Variants in TM9SF4 observed in about 807,000 individuals in gnomAD.
TM9SF4 encodes the protein dinucleotide oxidase disulfide thiol exchanger 3 superfamily member 4.
Under a neutral mutation model 90.4 loss-of-function variants are expected in TM9SF4, and 26 were observed. The observed-to-expected ratio is 0.29, with a 90% CI of 0.21 to 0.40. The LOEUF is 0.40. TM9SF4 is among the 10% of genes least tolerant of loss of function. The pLI, the probability that TM9SF4 is intolerant of heterozygous loss-of-function variation, is 1.00. For synonymous variants in TM9SF4, 293 were observed against 315.4 expected (o/e 0.93, Z 0.75); for missense variants, 549 against 834.8 (o/e 0.66, Z 4.22).
chr20:32,154,894 G>A (rs1254139589), intron 12 of TM9SF4, among the ~76,000 whole-genome samples: 1 of 152,232 alleles, frequency 6.6e-6, no homozygotes, highest in Non-Finnish European at 1.5e-5. Context: ...TGGGATGAGA[G>A]CAAGAAGGGG....
chr20:32,116,667 T>G (rs1600773247), intron 1 of TM9SF4: 1 of 152,298 alleles, frequency 6.6e-6, no homozygotes, highest in South Asian at 2.1e-4. Flanking sequence ...TTTGTTTGTT[T>G]GTTTCTTGCT....
intron 17 of TM9SF4, among the ~76,000 whole-genome samples, chr20:32,163,050 A>G (rs1266928493): frequency 6.6e-6 from 1 of 151,958 alleles, no homozygotes; most frequent in African/African-American, 2.4e-5. Context: ...GATCGAGTCC[A>G]TCCTGGCCAA....
chr20:32,132,928 C>A, intron 1 of TM9SF4, 85 bp from the exon 2 acceptor site: 1 of 1,220,262 alleles, frequency 8.2e-7, no homozygotes, highest in Non-Finnish European at 1.2e-6. Context: ...ATTAAAGCAA[C>A]ATGAAGGTGG....
chr20:32,156,490 G>C (rs965937111), intron 13 of TM9SF4, among the ~76,000 whole-genome samples: 13 of 152,178 alleles, frequency 8.5e-5, no homozygotes, highest in Admixed American at 3.9e-4. Context: ...TAGTGTTTAC[G>C]TACACACATC....
In TM9SF4 at chr20:32,157,972, G is replaced by A; in HGVS notation, c.1505+3G>A. The A allele has an allele frequency of 6.2e-7, 1 of 1,614,074 alleles. No individual in the cohort carries two copies. ...TGGTACATGAACCGATTTGTGGGGT[G>A]AGTCCTCCAGCAGAGGCAAGAGCAG... On this transcript the variant is annotated splice_donor_region_variant and intron_variant, in intron 14 of 17. Transcript: ENST00000398022.
Position 32,142,958 on chromosome 20 carries a change from G to A in TM9SF4, c.529-24G>A, listed in dbSNP as rs763805469. ...GTATCCCTAAGTGATGTTCTGTTGT[G>A]CTTTCTCTGTTGCTGTGTTTCAGAT... On this transcript the variant is annotated intron_variant, in intron 5 of 17. Coordinates refer to ENST00000398022, the MANE Select transcript of TM9SF4 (RefSeq NM_014742.4). The A allele has an allele frequency of 2.5e-6, 4 of 1,611,020 alleles. No individual in the cohort carries two copies. In the African/African-American group the frequency reaches 5.3e-5, roughly 22 times the overall value.
chr20:32,131,478 C>T, intron 1 of TM9SF4, among the ~76,000 whole-genome samples: 1 of 105,808 alleles, frequency 9.5e-6, no homozygotes, highest in East Asian at 3.7e-4. Flanking sequence ...ACAGAGTCAT[C>T]AGAGTGTGTG....
intron 1 of TM9SF4, among the ~76,000 whole-genome samples, chr20:32,130,182 G>T (rs2046490085): frequency 6.6e-6 from 1 of 152,158 alleles, no homozygotes; most frequent in Non-Finnish European, 1.5e-5. Context: ...GCTTTTGGTT[G>T]CCAACTTCAG....
At position 32,124,643 on chromosome 20, in the gene TM9SF4, A is replaced by G. The variant is rs535780584; in HGVS notation, c.16-8370A>G. Reference sequence around the variant, plus strand: ...ATTCCATCACCCAAACTGGAGTGCAATGGCACAATCTTGGCTCACTGCAAC... The same window carrying G: ...ATTCCATCACCCAAACTGGAGTGCAGTGGCACAATCTTGGCTCACTGCAAC... On this transcript the variant is annotated intron_variant, in intron 1 of 17. Coordinates refer to ENST00000398022, the MANE Select transcript of TM9SF4 (RefSeq NM_014742.4). 1.5e-4 allele frequency among the ~76,000 whole-genome samples: 22 copies of G among 151,424 alleles called. No individual in the cohort carries two copies. The South Asian group carries it at 2.7e-3, about 19-fold the overall frequency.
intron 1 of TM9SF4, among the ~76,000 whole-genome samples, chr20:32,127,522 A>G (rs2046440645): frequency 6.6e-6 from 1 of 152,206 alleles, no homozygotes; most frequent in Admixed American, 6.5e-5. Flanking sequence ...GTAAGTGGAA[A>G]GAAGGAACCC....
intron 1 of TM9SF4, among the ~76,000 whole-genome samples, chr20:32,126,068 AACACACACACACAC>A (rs71185382): frequency 3.6e-5 from 5 of 138,590 alleles, no homozygotes; most frequent in African/African-American, 1.2e-4. Flanking sequence ...CTTTCCCGTA[AACACACACACACAC>A]ACACACACAC....
chr20:32,140,149 C>T (rs1276213866), intron 3 of TM9SF4, among the ~76,000 whole-genome samples: 3 of 152,216 alleles, frequency 2.0e-5, no homozygotes, highest in Non-Finnish European at 4.4e-5. Flanking sequence ...CAGATCCACA[C>T]TGGAGGAAAA....
rs544318672 is a variant in TM9SF4 at position 32,110,038 on chromosome 20, C to G, written c.15+283C>G. On this transcript the variant is annotated intron_variant, in intron 1 of 17. Coordinates refer to ENST00000398022, the MANE Select transcript of TM9SF4 (RefSeq NM_014742.4). ...CCATTCTACTTTTGGTCTCCGCCCACTGTGAGCCCCATTTTCCATTTCTCA... is the reference window on the plus strand; with the variant it reads ...CCATTCTACTTTTGGTCTCCGCCCAGTGTGAGCCCCATTTTCCATTTCTCA... 4 of 1,375,182 alleles carry G rather than the reference C, an allele frequency of 2.9e-6. No homozygotes were observed. In the South Asian group the frequency reaches 4.8e-5, roughly 16 times the overall value. The allele number at this position is 1,375,182 out of a possible 1,614,324, so 85.2% of individuals were successfully genotyped here. A position where few individuals can be genotyped will look rare whatever the true frequency, so the allele number is the denominator to read the frequency against.
intron 1 of TM9SF4, among the ~76,000 whole-genome samples, chr20:32,123,883 G>A (rs200608145): frequency 2.2e-5 from 1 of 45,046 alleles, no homozygotes; most frequent in Non-Finnish European, 4.4e-5. Context: ...TTTTTAAAGA[G>A]ATAGGGTCTC....
chr20:32,155,057 G>A (rs768260861), intron 12 of TM9SF4, 46 bp from the exon 13 acceptor site: 3 of 1,534,866 alleles, frequency 2.0e-6, no homozygotes, highest in Non-Finnish European at 2.7e-6. Flanking sequence ...GACAGGTAGG[G>A]GAGGTCCCTG....
chr20:32,151,772 C>T (rs2046844899), intron 12 of TM9SF4, among the ~76,000 whole-genome samples: 1 of 152,170 alleles, frequency 6.6e-6, no homozygotes. Context: ...ACCTCCACCT[C>T]CTGGGTTCAA....
At chr20:32,112,080 A>G (rs2046150935) in intron 1 of TM9SF4, among the ~76,000 whole-genome samples, 1 of 152,156 alleles carries the variant, frequency 6.6e-6, no homozygotes, top group Non-Finnish European at 1.5e-5. Context: ...AGGCTGTGGA[A>G]AGGAGTTTGG....
intron 8 of TM9SF4, 121 bp downstream of exon 8, chr20:32,145,544 C>A: frequency 1.3e-6 from 1 of 779,558 alleles, no homozygotes; most frequent in Non-Finnish European, 2.2e-6. Context: ...CAAAAACAGA[C>A]ATCAGGGCTC....
intron 16 of TM9SF4, among the ~76,000 whole-genome samples, chr20:32,160,919 C>G (rs1334174120): frequency 8.2e-6 from 1 of 122,624 alleles, no homozygotes; most frequent in Non-Finnish European, 1.6e-5. Context: ...CACTGCACTC[C>G]ATCCTGGGCG....
Sources: allele counts gnomAD v4.1 joint callset (sites outside exome capture counted in the v4.1 genomes callset), GRCh38; gene constraint gnomAD v4.1.1; transcripts MANE v1.5; gene names NCBI Gene and HGNC (gene_info 2026-07-23, HGNC 2026-07-21).